The following PDK1 variants were observed in gnomAD, a reference collection of about 807,000 sequenced individuals.
PDK1 encodes the protein pyruvate dehydrogenase kinase 1.
A neutral mutation model predicts 54.2 loss-of-function variants in PDK1; 39 were observed. The ratio of observed to expected loss-of-function variants is 0.72; its 90% CI spans 0.56 to 0.94. The LOEUF (loss-of-function observed/expected upper bound fraction) is 0.94, where lower values mean the gene tolerates loss of function less well. PDK1 is among the 40% of genes least tolerant of loss of function. PDK1 has a pLI of 0.00. For synonymous variants in PDK1, 221 were observed against 207.1 expected, an observed-to-expected ratio of 1.07 and a Z score of -0.58; for missense variants, 552 against 566.0, an observed-to-expected ratio of 0.98 and a Z score of 0.25.
chr2:172,581,912 G>T (rs757041264), intron 8 of PDK1, among the ~76,000 whole-genome samples: 11 of 151,444 alleles, frequency 7.3e-5, no homozygotes, highest in South Asian at 2.1e-4. Context: ...TCTTTTTTTT[G>T]TGTGTGTGTG....
At chr2:172,698,467 A>G in the PDK1 span, among the ~76,000 whole-genome samples, 1 of 152,222 alleles carries the variant, frequency 6.6e-6, no homozygotes, top group Non-Finnish European at 1.5e-5. Context: ...CCTACCCCTC[A>G]GGAAGAAAGT....
rs1281199212 is a variant in PDK1 at position 172,603,775 on chromosome 2, G to A, written c.*7806G>A. 2 of 152,176 alleles carry A rather than the reference G, an allele frequency of 1.3e-5. No individual in the cohort carries two copies. The highest frequency in any genetic ancestry group is 4.8e-5 in the African/African-American group (2 of 41,434). The allele number at this position is 152,176 out of a possible 1,614,324, so 9.4% of individuals were successfully genotyped here. On this transcript the variant is annotated 3_prime_UTR_variant, in exon 11 of 11. Transcript: ENST00000282077. ...TCAGTTGATAAGACCTCTTATGCCT[G>A]TGAATGGAAGGCCCTGATAAAACTT... is the stretch of plus-strand genomic sequence containing the variant.
the PDK1 span, among the ~76,000 whole-genome samples, chr2:172,722,986 C>T: frequency 6.6e-6 from 1 of 151,924 alleles, no homozygotes; most frequent in Admixed American, 6.6e-5. Flanking sequence ...TGAAGGCACA[C>T]ATACTGCTTC....
At chr2:172,612,406 GTTAGTAA>G (rs796859605), downstream of PDK1, among the ~76,000 whole-genome samples, 3 of 152,214 alleles carry the variant, frequency 2.0e-5, no homozygotes, top group African/African-American at 7.2e-5. Context: ...CTGAATATAT[GTTAGTAA>G]TTAGTATCAC....
At chr2:172,667,559 AG>A in the PDK1 span, among the ~76,000 whole-genome samples, 1 of 152,262 alleles carries the variant, frequency 6.6e-6, no homozygotes, top group African/African-American at 2.4e-5. Flanking sequence ...CCTCCAGGTC[AG>A]CAACTCCCTG....
the PDK1 span, among the ~76,000 whole-genome samples, chr2:172,618,632 A>C: frequency 2.6e-5 from 4 of 152,242 alleles, no homozygotes; most frequent in South Asian, 2.1e-4. Context: ...GAAATCGTCA[A>C]GCTATTGTCT....
At chr2:172,712,432 C>A in the PDK1 span, among the ~76,000 whole-genome samples, 9 of 152,184 alleles carry the variant, frequency 5.9e-5, no homozygotes, top group Non-Finnish European at 1.3e-4. Context: ...TGGCTCCGAT[C>A]CCATGGCTGC....
At chr2:172,643,323 T>C in the PDK1 span, among the ~76,000 whole-genome samples, 2 of 152,164 alleles carry the variant, frequency 1.3e-5, no homozygotes, top group Admixed American at 6.5e-5. Context: ...GTTTGTCAAA[T>C]ACTTGAGTCA....
the PDK1 span, among the ~76,000 whole-genome samples, chr2:172,621,357 C>T: frequency 5.3e-5 from 8 of 151,994 alleles, no homozygotes; most frequent in Non-Finnish European, 1.0e-4. Context: ...ACTAGATTGG[C>T]TTAGCCTCTC....
the PDK1 span, among the ~76,000 whole-genome samples, chr2:172,622,206 C>CTCATATT: frequency 7.4e-6 from 1 of 134,842 alleles, no homozygotes; most frequent in African/African-American, 2.8e-5. Flanking sequence ...ATGTTTATAT[C>CTCATATT]ATGAGAGATA....
the PDK1 span, among the ~76,000 whole-genome samples, chr2:172,619,534 G>A: frequency 6.6e-6 from 1 of 151,720 alleles, no homozygotes; most frequent in African/African-American, 2.4e-5. Flanking sequence ...AATTTTAGAA[G>A]CTCTTTCTTT....
the PDK1 span, among the ~76,000 whole-genome samples, chr2:172,613,927 C>T: frequency 4.4e-3 from 676 of 152,076 alleles, 7 homozygotes; most frequent in African/African-American, 0.015. Flanking sequence ...TCCAAGCTTC[C>T]CTGTGTTTTT....
intron 4 of PDK1, 28 bp from the exon 5 acceptor site, chr2:172,564,931 ATTAGGTGGTTTAGCTTATT>A: frequency 1.6e-6 from 2 of 1,241,334 alleles, no homozygotes; most frequent in Non-Finnish European, 2.4e-6. Flanking sequence ...GGAAAAGAGC[ATTAGGTGGTTTAGCTTATT>A]TTGTTGGTTT....
At chr2:172,555,848 G>C (rs1037333458), upstream of PDK1, 9 of 277,056 alleles carry the variant, frequency 3.2e-5, no homozygotes, top group Admixed American at 2.7e-4. Context: ...CGCCGGCTGG[G>C]GCGGGATCTG....
At chr2:172,701,652 T>G in the PDK1 span, among the ~76,000 whole-genome samples, 2 of 147,086 alleles carry the variant, frequency 1.4e-5, no homozygotes, top group South Asian at 2.1e-4. Flanking sequence ...TGTTTTGTTT[T>G]TTTTTTTTTT....
At chr2:172,697,097 T>C in the PDK1 span, among the ~76,000 whole-genome samples, 13 of 152,220 alleles carry the variant, frequency 8.5e-5, no homozygotes, top group East Asian at 1.5e-3. Context: ...TTTCCCAACT[T>C]ATCCTTGCAA....
chr2:172,668,926 GAGAGAGAGAGAGAA>G, the PDK1 span, among the ~76,000 whole-genome samples: 14 of 146,472 alleles, frequency 9.6e-5, no homozygotes, highest in African/African-American at 2.0e-4. Context: ...GAGAGAGAGA[GAGAGAGAGAGAGAA>G]AGAGAGAGAG....
the PDK1 span, among the ~76,000 whole-genome samples, chr2:172,650,996 G>T: frequency 1.3e-3 from 195 of 152,280 alleles, 1 homozygote; most frequent in African/African-American, 4.5e-3. Context: ...AACATCTACA[G>T]AACTCTCCAC....
chr2:172,666,993 A>G, the PDK1 span, among the ~76,000 whole-genome samples: 8,036 of 152,208 alleles, frequency 0.053, 408 homozygotes, highest in East Asian at 0.22. Flanking sequence ...TTATTTGTAT[A>G]AATCTAAGGG....
Sources: gnomAD v4.1 joint callset for allele counts (sites outside exome capture counted in the v4.1 genomes callset) on GRCh38, gnomAD v4.1.1 for gene constraint, MANE v1.5 for transcripts, NCBI Gene and HGNC (gene_info 2026-07-23, HGNC 2026-07-21) for gene names.